The following UVRAG variants were observed in gnomAD, a reference collection of about 807,000 sequenced individuals.
The protein encoded by UVRAG is UV radiation resistance-associated gene protein.
Under a neutral mutation model 78.0 loss-of-function variants are expected in UVRAG, and 19 were observed. The ratio of observed to expected loss-of-function variants is 0.24; its 90% CI spans 0.17 to 0.36. The LOEUF (loss-of-function observed/expected upper bound fraction) is 0.36. Ranked by LOEUF, UVRAG falls within the 10% of genes least tolerant of loss-of-function variation. The probability of loss-of-function intolerance (pLI) is 1.00; values close to 1 mark genes in which losing one functional copy is unlikely to be tolerated. For synonymous variants in UVRAG, 323 were observed against 324.6 expected (o/e 1.00, Z 0.05); for missense variants, 740 against 853.8 (o/e 0.87, Z 1.66).
intron 1 of UVRAG, among the ~76,000 whole-genome samples, chr11:75,840,193 T>C (rs774076463): frequency 6.6e-6 from 1 of 152,144 alleles, no homozygotes; most frequent in Non-Finnish European, 1.5e-5. Context: ...TACCTGAAAA[T>C]TTACCAGAAA....
intron 8 of UVRAG, among the ~76,000 whole-genome samples, chr11:75,984,173 T>G (rs954156904): frequency 2.0e-5 from 3 of 152,210 alleles, no homozygotes; most frequent in Non-Finnish European, 2.9e-5. Flanking sequence ...TGTGGTATGA[T>G]ATTTTCTTGC....
intron 12 of UVRAG, among the ~76,000 whole-genome samples, chr11:76,025,841 C>T (rs1950317148): frequency 1.3e-5 from 2 of 152,040 alleles, no homozygotes; most frequent in Non-Finnish European, 2.9e-5. Context: ...GTGCATAAGG[C>T]GGTCATATAT....
intron 6 of UVRAG, among the ~76,000 whole-genome samples, chr11:75,952,194 G>T (rs1322008479): frequency 6.6e-6 from 1 of 152,038 alleles, no homozygotes; most frequent in Non-Finnish European, 1.5e-5. Flanking sequence ...GATTTCTTTG[G>T]ATTTTTCTAC....
intron 7 of UVRAG, among the ~76,000 whole-genome samples, chr11:75,978,425 G>A (rs909963381): frequency 3.3e-5 from 5 of 152,156 alleles, no homozygotes; most frequent in Admixed American, 2.0e-4. Context: ...GCCTTGCTAG[G>A]TTAGGGAAGT....
At chr11:75,938,589 C>T (rs900319773) in intron 6 of UVRAG, among the ~76,000 whole-genome samples, 3 of 152,160 alleles carry the variant, frequency 2.0e-5, no homozygotes, top group African/African-American at 7.2e-5. Context: ...TTTACCTACC[C>T]CTGAAGCAAA....
At chr11:75,957,238 GT>G (rs1289243345) in intron 6 of UVRAG, among the ~76,000 whole-genome samples, 1 of 151,930 alleles carries the variant, frequency 6.6e-6, no homozygotes, top group African/African-American at 2.4e-5. Flanking sequence ...TAATTTTTGT[GT>G]GTATGAAGTA....
intron 5 of UVRAG, among the ~76,000 whole-genome samples, chr11:75,898,162 C>T (rs535458812): frequency 2.6e-5 from 4 of 152,198 alleles, no homozygotes; most frequent in Non-Finnish European, 4.4e-5. Context: ...AGCCACTGCG[C>T]CTGGCCCATA....
intron 12 of UVRAG, among the ~76,000 whole-genome samples, chr11:76,030,254 A>G (rs920739202): frequency 2.0e-5 from 3 of 151,956 alleles, no homozygotes; most frequent in African/African-American, 7.3e-5. Flanking sequence ...GCTGATCTCA[A>G]ACTCCTGGCA....
At chr11:75,920,008 G>GTGTTT (rs1947940911) in intron 6 of UVRAG, among the ~76,000 whole-genome samples, 1 of 55,462 alleles carries the variant, frequency 1.8e-5, no homozygotes, top group Non-Finnish European at 3.4e-5. Context: ...AATAATTTTG[G>GTGTTT]TTTTTTTTTT....
chr11:75,966,838 T>C (rs1204715152), intron 7 of UVRAG, among the ~76,000 whole-genome samples: 1 of 152,200 alleles, frequency 6.6e-6, no homozygotes, highest in African/African-American at 2.4e-5. Flanking sequence ...GTTCTTTTAC[T>C]CTTAGGCACA....
chr11:75,889,181 TAAG>T (rs1947160297), intron 5 of UVRAG, among the ~76,000 whole-genome samples: 1 of 152,200 alleles, frequency 6.6e-6, no homozygotes, highest in South Asian at 2.1e-4. Flanking sequence ...CTTTGGGGGT[TAAG>T]AAAGGATGGT....
chr11:75,920,908 TAGTC>T (rs558538527), intron 6 of UVRAG, among the ~76,000 whole-genome samples: 5 of 152,226 alleles, frequency 3.3e-5, no homozygotes, highest in African/African-American at 4.8e-5. Context: ...GGCTTAATAA[TAGTC>T]AGTGGTGAGG....
intron 14 of UVRAG, among the ~76,000 whole-genome samples, chr11:76,132,677 G>A (rs955382338): frequency 2.6e-5 from 4 of 151,888 alleles, no homozygotes; most frequent in East Asian, 3.9e-4. Flanking sequence ...ACATCAGTTC[G>A]TGGCAGAATT....
chr11:75,870,017 A>G (rs963621809), intron 3 of UVRAG, among the ~76,000 whole-genome samples: 1 of 152,174 alleles, frequency 6.6e-6, no homozygotes, highest in Non-Finnish European at 1.5e-5. Flanking sequence ...CCTGGATGAT[A>G]TTAGTACTTG....
chr11:75,917,247 A>G (rs1202469785), intron 6 of UVRAG, among the ~76,000 whole-genome samples: 1 of 152,226 alleles, frequency 6.6e-6, no homozygotes, highest in Non-Finnish European at 1.5e-5. Context: ...GTCACTCATA[A>G]TTTTTGCAAA....
intron 3 of UVRAG, among the ~76,000 whole-genome samples, chr11:75,875,415 A>G (rs1180117493): frequency 6.7e-6 from 1 of 149,066 alleles, no homozygotes; most frequent in Non-Finnish European, 1.5e-5. Flanking sequence ...ATGTGTTCTG[A>G]TATGGTTTTA....
chr11:75,905,540 T>C, intron 5 of UVRAG, among the ~76,000 whole-genome samples: 1 of 152,242 alleles, frequency 6.6e-6, no homozygotes, highest in Non-Finnish European at 1.5e-5. Context: ...TTGAATTATG[T>C]AGTATGTGAC....
chr11:75,939,144 A>C (rs140697846), intron 6 of UVRAG, among the ~76,000 whole-genome samples: 1 of 151,212 alleles, frequency 6.6e-6, no homozygotes, highest in Non-Finnish European at 1.5e-5. Context: ...CTGTCACTCT[A>C]TTTTGGCCAG....
At chr11:76,134,535 G>A (rs1468878745) in intron 14 of UVRAG, among the ~76,000 whole-genome samples, 5 of 152,098 alleles carry the variant, frequency 3.3e-5, no homozygotes, top group Admixed American at 3.3e-4. Flanking sequence ...GAAACAGTAT[G>A]CTGTATAAGA....
Sources: allele counts gnomAD v4.1 joint callset (sites outside exome capture counted in the v4.1 genomes callset), GRCh38; gene constraint gnomAD v4.1.1; transcripts MANE v1.5; gene names NCBI Gene and HGNC (gene_info 2026-07-23, HGNC 2026-07-21).